The following ENOSF1 variants were observed in gnomAD, a reference collection of about 807,000 sequenced individuals.
ENOSF1 encodes enolase superfamily member 1, also known as mitochondrial enolase superfamily member 1.
ENOSF1 carries 73 observed loss-of-function variants against 68.2 expected under a neutral mutation model. That is an observed-to-expected ratio of 1.07 (90% confidence interval 0.89 to 1.30). The LOEUF is 1.30. ENOSF1 is among the 50% of genes most tolerant of loss of function. The pLI is 0.00. For missense variants in ENOSF1, 589 were observed against 554.5 expected, an observed-to-expected ratio of 1.06 and a Z score of -0.62; for synonymous variants, 223 against 210.4, an observed-to-expected ratio of 1.06 and a Z score of -0.52.
At position 683,220 on chromosome 18, in the gene ENOSF1, C is replaced by T. The variant is rs2076260741; in HGVS notation, c.876+26G>A. 2.5e-6 allele frequency: 4 copies of T among 1,612,756 alleles called. No homozygotes were observed. The South Asian group carries it at 3.3e-5, about 13-fold the overall frequency. ...AAAACTAAACAGAAAAATAAGCTGC[C>T]ACAGCAGCAGCAGCCGTTTTCCTAC... On this transcript the variant is annotated intron_variant, in intron 11 of 15. Transcript: ENST00000647584.
downstream of ENOSF1, chr18:669,367 T>C (rs1284107353): frequency 2.4e-5 from 1 of 41,706 alleles, no homozygotes; most frequent in Non-Finnish European, 3.9e-5. Context: ...GCCCAGAGGA[T>C]TTTTTTTTTT....
chr18:667,292 AGATGGT>A (rs1272453938), downstream of ENOSF1, among the ~76,000 whole-genome samples: 1 of 17,462 alleles, frequency 5.7e-5, no homozygotes. Flanking sequence ...ATGGTGATGG[AGATGGT>A]GATGGTGATG....
In ENOSF1 at chr18:684,230, T is replaced by C. The variant is rs539351477; in HGVS notation, c.742-850A>G. On this transcript the variant is annotated intron_variant, in intron 10 of 15. Transcript: ENST00000647584. ...CAGGATGGTCTCAATCTCCTGACCT[T>C]GTGATCCGCCCGCCTCGGCCTCCCA... is the stretch of plus-strand genomic sequence containing the variant. Among the ~76,000 whole-genome samples, 1,445 of 151,882 alleles carry C rather than the reference T, an allele frequency of 9.5e-3. 9 individuals are homozygous for C. Among genetic ancestry groups the C allele is most frequent in the Non-Finnish European group, 0.015 (1,045 of 67,928 alleles).
chr18:697,387 C>A (rs760472804), intron 2 of ENOSF1, 32 bp from the exon 3 acceptor site: 2 of 1,458,402 alleles, frequency 1.4e-6, no homozygotes, highest in South Asian at 2.3e-5. Flanking sequence ...CTTGTTTATG[C>A]TTCTATACTA....
rs139944321 is a variant in ENOSF1 at position 677,429 on chromosome 18, T to C, written c.1064A>G (p.His355Arg). 3.7e-5 allele frequency: 60 copies of C among 1,613,156 alleles called. No individual in the cohort carries two copies. Among genetic ancestry groups the C allele is most frequent in the Non-Finnish European group, 4.8e-5 (57 of 1,179,866 alleles). ...AKKFEIPVCP[H>R]AGGVGLCELV... ...TTCACAGAGGCCAACTCCACCAGCA[T>C]GGGGGCAAACAGGAACTAAAAGGAA... Residue 355 changes from histidine (H) to arginine (R), a missense_variant, in exon 14 of 16, where the codon CAT (histidine) becomes CGT (arginine). Coordinates refer to ENST00000647584, the MANE Select transcript of ENOSF1 (RefSeq NM_017512.7).
chr18:666,771 G>A (rs1232861106), downstream of ENOSF1, among the ~76,000 whole-genome samples: 1 of 152,244 alleles, frequency 6.6e-6, no homozygotes, highest in African/African-American at 2.4e-5. Context: ...CCTAGAATAG[G>A]CAAGTTCTTA....
At chr18:694,043 G>T in intron 4 of ENOSF1, 135 bp from the exon 5 acceptor site, 1 of 1,075,046 alleles carries the variant, frequency 9.3e-7, no homozygotes, top group African/African-American at 1.6e-5. Flanking sequence ...TGCTGCCTGC[G>T]CCTTCCGCCA....
In ENOSF1 at chr18:706,801, G is replaced by GTGTA. The variant is rs143228323; in HGVS notation, c.85-224_85-223insTACA. 531 of 151,162 alleles carry GTGTA rather than the reference G, an allele frequency of 3.5e-3. 31 individuals are homozygous for GTGTA. Among genetic ancestry groups the GTGTA allele is most frequent in the Middle Eastern group, 8.5e-3 (3 of 354 alleles). 9.4% of individuals were successfully genotyped at this position (151,162 alleles called of 1,614,324 possible). On this transcript the variant is annotated intron_variant, in intron 1 of 15. Coordinates refer to ENST00000647584, the MANE Select transcript of ENOSF1 (RefSeq NM_017512.7). ...AAATGTTTCAACAAGAGCAATGTAT[G>GTGTA]TATATATATATATATTTTTTTTTTT...
chr18:677,083 A>AAGGGAGT (rs1313244397), intron 14 of ENOSF1, among the ~76,000 whole-genome samples: 1 of 152,252 alleles, frequency 6.6e-6, no homozygotes, highest in Non-Finnish European at 1.5e-5. Flanking sequence ...GGAGCTGGTT[A>AAGGGAGT]AGGGAGTAGT....
chr18:690,823 TC>T (rs1568075908), intron 7 of ENOSF1, 192 bp from the exon 8 acceptor site: 1 of 1,430,328 alleles, frequency 7.0e-7, no homozygotes, highest in Non-Finnish European at 9.2e-7. Context: ...ACTGCCCTGC[TC>T]CCCCAGGGCT....
Position 673,200 on chromosome 18 carries a change from A to C in ENOSF1, c.*1105T>G, listed in dbSNP as rs2075147907. 3 of 462,116 alleles carry C rather than the reference A, an allele frequency of 6.5e-6. No individual in the cohort carries two copies. The highest frequency in any genetic ancestry group is 5.7e-5 in the African/African-American group (3 of 52,226). 28.6% of individuals were successfully genotyped at this position (462,116 alleles called of 1,614,324 possible). On this transcript the variant is annotated 3_prime_UTR_variant, in exon 16 of 16. Coordinates refer to ENST00000647584, the MANE Select transcript of ENOSF1 (RefSeq NM_017512.7). ...TTCCATAATAAAAGGCTTTGAGTTAACTCACTGAGGGTATCTGACAATGCT... is the reference window on the plus strand; with the variant it reads ...TTCCATAATAAAAGGCTTTGAGTTACCTCACTGAGGGTATCTGACAATGCT...
Position 674,168 on chromosome 18 carries a change from A to G in ENOSF1, c.*137T>C, listed in dbSNP as rs556111138. On this transcript the variant is annotated 3_prime_UTR_variant, in exon 16 of 16. Coordinates refer to ENST00000647584, the MANE Select transcript of ENOSF1 (RefSeq NM_017512.7). ...GAATCAAGTAATAATTACTTAGCTGATTCCTGAGGGTGGTATGACTTCTAG... is the reference window on the plus strand; with the variant it reads ...GAATCAAGTAATAATTACTTAGCTGGTTCCTGAGGGTGGTATGACTTCTAG... 8 of 636,614 alleles carry G rather than the reference A, an allele frequency of 1.3e-5. No homozygotes were observed. The African/African-American group carries it at 1.5e-4, about 12-fold the overall frequency. 39.4% of individuals were successfully genotyped at this position (636,614 alleles called of 1,614,324 possible).
Position 670,514 on chromosome 18 carries a change from T to C in ENOSF1, c.*3791A>G. ...AGAAACCTTGCACCGATGGATAGTCTCCCTCAGCTCCGTGCCATCGCTGCA... is the reference window on the plus strand; with the variant it reads ...AGAAACCTTGCACCGATGGATAGTCCCCCTCAGCTCCGTGCCATCGCTGCA... On this transcript the variant is annotated 3_prime_UTR_variant, in exon 16 of 16. Transcript: ENST00000647584. The C allele has an allele frequency of 1.6e-6, 1 of 620,744 alleles. No homozygotes were observed. Among genetic ancestry groups the C allele is most frequent in the Non-Finnish European group, 2.8e-6 (1 of 358,028 alleles). The allele number at this position is 620,744 out of a possible 1,614,324, so 38.5% of individuals were successfully genotyped here. A position where few individuals can be genotyped will look rare whatever the true frequency, so the allele number is the denominator to read the frequency against.
At chr18:695,489 C>T (rs1223511380) in intron 3 of ENOSF1, among the ~76,000 whole-genome samples, 1 of 152,166 alleles carries the variant, frequency 6.6e-6, no homozygotes, top group Non-Finnish European at 1.5e-5. Context: ...TTAATTGTAG[C>T]TATGACAGTT....
intron 11 of ENOSF1, among the ~76,000 whole-genome samples, chr18:680,618 A>T (rs924327653): frequency 3.4e-5 from 5 of 146,700 alleles, no homozygotes; most frequent in Non-Finnish European, 5.9e-5. Context: ...GTCTCAATGG[A>T]CTCTACATGT....
chr18:663,107 G>A, the ENOSF1 span, among the ~76,000 whole-genome samples: 12 of 97,230 alleles, frequency 1.2e-4, 3 homozygotes, highest in Non-Finnish European at 2.3e-4. Context: ...TTCCACAATG[G>A]TTGAACTAGT....
intron 7 of ENOSF1, 199 bp downstream of exon 7, chr18:690,869 T>A: frequency 2.2e-6 from 3 of 1,337,730 alleles, no homozygotes; most frequent in Non-Finnish European, 3.0e-6. Context: ...CAAACTTCCT[T>A]TCAGCAGTGG....
intron 2 of ENOSF1, among the ~76,000 whole-genome samples, chr18:702,573 T>C (rs1265089027): frequency 6.6e-6 from 1 of 151,712 alleles, no homozygotes; most frequent in Non-Finnish European, 1.5e-5. Flanking sequence ...AGACTCTGTC[T>C]CTCAAAAAAA....
At chr18:712,384 G>A (rs779715797) in intron 1 of ENOSF1, 120 bp downstream of exon 1, 1 of 1,530,298 alleles carries the variant, frequency 6.5e-7, no homozygotes, top group African/African-American at 1.4e-5. Flanking sequence ...TTACCATGGC[G>A]TCCGCGCTTA....
Sources: allele counts gnomAD v4.1 joint callset (sites outside exome capture counted in the v4.1 genomes callset), GRCh38; gene constraint gnomAD v4.1.1; transcripts MANE v1.5; gene names NCBI Gene and HGNC (gene_info 2026-07-23, HGNC 2026-07-21).